SLC4A3: variants seen among roughly 807,000 people sequenced by gnomAD.
SLC4A3 encodes solute carrier family 4 member 3.
SLC4A3 carries 47 observed loss-of-function variants against 114.2 expected under a neutral mutation model. The observed-to-expected ratio is 0.41, with a 90% CI of 0.33 to 0.52. The LOEUF (loss-of-function observed/expected upper bound fraction) is 0.52, where lower values mean the gene tolerates loss of function less well. Among genes scored for constraint, SLC4A3 ranks in the 20% least tolerant of loss-of-function variants. The probability of loss-of-function intolerance (pLI) is 0.21; values close to 1 mark genes in which losing one functional copy is unlikely to be tolerated. For missense variants in SLC4A3, 1,312 were observed against 1,668.3 expected, an observed-to-expected ratio of 0.79 and a Z score of 3.72; for synonymous variants, 693 against 710.3, an observed-to-expected ratio of 0.98 and a Z score of 0.39.
chr2:219,635,158 C>A (rs184261232), intron 12 of SLC4A3, 113 bp from the exon 13 acceptor site: 2 of 779,888 alleles, frequency 2.6e-6, no homozygotes, highest in Non-Finnish European at 4.3e-6. Flanking sequence ...CCAGTATCTA[C>A]GACTGAATGT....
Position 219,639,370 on chromosome 2 carries a change from A to G in SLC4A3, c.3024-112A>G. 7.8e-7 allele frequency: 1 copy of G among 1,279,074 alleles called. No homozygotes were observed. 79.2% of individuals were successfully genotyped at this position (1,279,074 alleles called of 1,614,324 possible). A position where few individuals can be genotyped will look rare whatever the true frequency, so the allele number is the denominator to read the frequency against. ...AGAAGAAGCTGGCAGTCCTAGGGAG[A>G]ACTGTTGTCTGCACGTCCTCCCCCC... On this transcript the variant is annotated intron_variant, in intron 19 of 22. Transcript: ENST00000358055. This position sits in a 1 kb window ranked among gnomAD's most constrained non-coding sequence, Gnocchi z 5.9.
At chr2:219,627,832 G>C in intron 1 of SLC4A3, 68 bp from the exon 2 acceptor site, 3 of 579,052 alleles carry the variant, frequency 5.2e-6, no homozygotes, top group South Asian at 4.3e-5. Context: ...CTTGGGCCGG[G>C]AGCGTGCATC....
chr2:219,631,397 T>C lies in SLC4A3; in HGVS notation c.812-571T>C. The C allele has an allele frequency of 7.7e-7, 1 of 1,304,252 alleles. No individual in the cohort carries two copies. The allele number at this position is 1,304,252 out of a possible 1,614,324, so 80.8% of individuals were successfully genotyped here. ...AGATGTTTGTGCTGGACTTTGAGGA[T>C]GGTGACCTGTGGGAGTCCATCAGGG... On this transcript the variant is annotated intron_variant, in intron 6 of 22. Coordinates refer to ENST00000358055, the MANE Select transcript of SLC4A3 (RefSeq NM_005070.4). This position sits in a 1 kb window ranked among gnomAD's most constrained non-coding sequence, Gnocchi z 6.3.
rs1158133425 is a variant in SLC4A3, at chr2:219,639,624, C to T, written c.3166C>T (p.His1056Tyr). Residue 1056 changes from histidine to tyrosine, a missense_variant, in exon 20 of 23, where the codon CAT becomes TAT. This residue lies in a region of SLC4A3 where 301 missense variants were observed against 460.7 expected (regional missense o/e 0.65). Coordinates refer to ENST00000358055, the MANE Select transcript of SLC4A3 (RefSeq NM_005070.4). The surrounding 1 kb of genome is among the most constrained non-coding windows in gnomAD (Gnocchi z 5.9). ...LTAATVRSVT[H>Y]VNALTVMRTA... ...GGCTGCCACGGTCCGCTCCGTCACC[C>T]ATGTCAATGCGTTGACAGTGATGCG... 1 of 1,613,950 alleles carries T rather than the reference C, an allele frequency of 6.2e-7. No homozygotes were observed. The highest frequency in any genetic ancestry group is 1.1e-5 in the South Asian group (1 of 91,082).
Position 219,638,810 on chromosome 2 carries a change from A to G in SLC4A3, c.2964A>G (p.Ala988=), listed in dbSNP as rs1699218743. The G allele has an allele frequency of 1.2e-6, 2 of 1,614,168 alleles. No homozygotes were observed. Among genetic ancestry groups the G allele is most frequent in the African/African-American group, 1.3e-5 (1 of 75,042 alleles). ...CTTTCCCGCCGTGGATGATGGTGGCAGCCGCTGTTCCCGCCCTCCTCGTCC... is the reference window on the plus strand; with the variant it reads ...CTTTCCCGCCGTGGATGATGGTGGCGGCCGCTGTTCCCGCCCTCCTCGTCC... ...ARPFPPWMMV[A]AAVPALLVLI... is the part of the protein sequence containing the mutation. Residue 988 remains alanine, a synonymous_variant, in exon 19 of 23, where the codon GCA becomes GCG. Coordinates refer to ENST00000358055, the MANE Select transcript of SLC4A3 (RefSeq NM_005070.4). The surrounding 1 kb of genome is among the most constrained non-coding windows in gnomAD (Gnocchi z 7.5).
Position 219,636,832 on chromosome 2 carries a change from C to G in SLC4A3, c.2493C>G (p.Ile831Met). ...PFTQEIFAFLISLIFIYETFY... is the reference protein window; with the variant it reads ...PFTQEIFAFLMSLIFIYETFY... The stretch of plus-strand genomic sequence containing the variant: ...CCCAGGAGATCTTTGCCTTTCTCAT[C>G]TCACTCATTTTCATCTACGAGACCT... Residue 831 changes from isoleucine (I) to methionine (M), a missense_variant, in exon 16 of 23, where the codon ATC (isoleucine) becomes ATG (methionine). By Grantham distance (10) the Ile-to-Met change is conservative. Around this residue, in one of 4 missense-constraint regions of SLC4A3, gnomAD observed 771 missense variants for 977.7 expected, o/e 0.79. Coordinates refer to ENST00000358055, the MANE Select transcript of SLC4A3 (RefSeq NM_005070.4). The surrounding 1 kb of genome is among the most constrained non-coding windows in gnomAD (Gnocchi z 5.5). The G allele has an allele frequency of 6.2e-7, 1 of 1,614,052 alleles. No individual in the cohort carries two copies. Among genetic ancestry groups the G allele is most frequent in the Non-Finnish European group, 8.5e-7 (1 of 1,179,974 alleles).
Position 219,629,715 on chromosome 2 carries a change from C to G in SLC4A3, c.611+20C>G, listed in dbSNP as rs758995026. On this transcript the variant is annotated intron_variant, in intron 5 of 22. Coordinates refer to ENST00000358055, the MANE Select transcript of SLC4A3 (RefSeq NM_005070.4). ...CAGCAGGTACTGGCTGCAGCCTCTA[C>G]TCAGCAGGGCCCAGCCCAGAGCCAC... 58 of 1,545,032 alleles carry G rather than the reference C, an allele frequency of 3.8e-5. 1 individual carries two copies. The highest frequency in any genetic ancestry group is 3.4e-4 in the South Asian group (30 of 88,228).
At position 219,635,159 on chromosome 2, in the gene SLC4A3, G is replaced by A. The variant is rs143483777; in HGVS notation, c.1747-112G>A. 2.9e-4 allele frequency: 230 copies of A among 787,022 alleles called. 3 individuals are homozygous for A. In the East Asian group the frequency reaches 4.6e-3, roughly 16 times the overall value. The allele number at this position is 787,022 out of a possible 1,614,324, so 48.8% of individuals were successfully genotyped here. ...ACTGTTGGACTGGCCCAGTATCTAC[G>A]ACTGAATGTCCACCCTGCCTGTAGC... On this transcript the variant is annotated intron_variant, in intron 12 of 22. Transcript: ENST00000358055.
At position 219,636,566 on chromosome 2, in the gene SLC4A3, G is replaced by T; in HGVS notation, c.2341-114G>T. The T allele has an allele frequency of 6.8e-7, 1 of 1,476,208 alleles. No individual in the cohort carries two copies. Among genetic ancestry groups the T allele is most frequent in the Non-Finnish European group, 9.1e-7 (1 of 1,096,176 alleles). The allele number at this position is 1,476,208 out of a possible 1,614,324, so 91.4% of individuals were successfully genotyped here. On this transcript the variant is annotated intron_variant, in intron 15 of 22. Coordinates refer to ENST00000358055, the MANE Select transcript of SLC4A3 (RefSeq NM_005070.4). The surrounding 1 kb of genome is among the most constrained non-coding windows in gnomAD (Gnocchi z 5.5). ...GCCCCACACTCTTCCTTACCTAGGG[G>T]ATGGGTCCCTGCATTCTCCCTCTTC...
In SLC4A3 at chr2:219,639,188, C is replaced by T. The variant is rs1699231899; in HGVS notation, c.3024-294C>T. Among the ~76,000 whole-genome samples, 1 of 152,196 alleles carries T rather than the reference C, an allele frequency of 6.6e-6. No individual in the cohort carries two copies. The highest frequency in any genetic ancestry group is 2.1e-4 in the South Asian group (1 of 4,830). ...GCTCAGAACACTCTAGCAGTCTAAG[C>T]TTGCACCCAGGGATGCTCACATGTA... On this transcript the variant is annotated intron_variant, in intron 19 of 22. Coordinates refer to ENST00000358055, the MANE Select transcript of SLC4A3 (RefSeq NM_005070.4). This position sits in a 1 kb window ranked among gnomAD's most constrained non-coding sequence, Gnocchi z 5.9.
Position 219,641,870 on chromosome 2 carries a change from G to T in SLC4A3, c.*142G>T. Reference sequence around the variant, plus strand: ...CCACTCCTGATGCCATGGCTAGAGTGGCCCCCCTGACTTCTGCCCGGGGTG... The same window carrying T: ...CCACTCCTGATGCCATGGCTAGAGTTGCCCCCCTGACTTCTGCCCGGGGTG... On this transcript the variant is annotated 3_prime_UTR_variant, in exon 23 of 23. Coordinates refer to ENST00000358055, the MANE Select transcript of SLC4A3 (RefSeq NM_005070.4). The surrounding 1 kb of genome is among the most constrained non-coding windows in gnomAD (Gnocchi z 4.0). The T allele has an allele frequency of 1.5e-6, 1 of 661,066 alleles. No homozygotes were observed. Among genetic ancestry groups the T allele is most frequent in the Admixed American group, 2.8e-5 (1 of 35,484 alleles). The allele number at this position is 661,066 out of a possible 1,614,324, so 41.0% of individuals were successfully genotyped here.
In SLC4A3 at chr2:219,641,630, A is replaced by C; in HGVS notation, c.3622-21A>C. On this transcript the variant is annotated intron_variant, in intron 22 of 22. Coordinates refer to ENST00000358055, the MANE Select transcript of SLC4A3 (RefSeq NM_005070.4). The surrounding 1 kb of genome is among the most constrained non-coding windows in gnomAD (Gnocchi z 4.0). ...ACGAGCATGCTTCCCTGCCTTCCCC[A>C]ACCTTCTGTTCCCTCTGCAGCTGGA... 1 of 1,608,632 alleles carries C rather than the reference A, an allele frequency of 6.2e-7. No individual in the cohort carries two copies.
chr2:219,636,510 C>T lies in SLC4A3; in HGVS notation c.2340+60C>T. On this transcript the variant is annotated intron_variant, in intron 15 of 22. Coordinates refer to ENST00000358055, the MANE Select transcript of SLC4A3 (RefSeq NM_005070.4). The surrounding 1 kb of genome is among the most constrained non-coding windows in gnomAD (Gnocchi z 5.5). ...GCCCCACACTCTTCCTTACCTACAT[C>T]CTGCCCCACACTCTTCCTTACCTAC... 1 of 1,538,944 alleles carries T rather than the reference C, an allele frequency of 6.5e-7. No individual in the cohort carries two copies.
rs1181413975 is a variant in SLC4A3, at chr2:219,629,713, T to C, written c.611+18T>C. ...TCCAGCAGGTACTGGCTGCAGCCTC[T>C]ACTCAGCAGGGCCCAGCCCAGAGCC... is the stretch of plus-strand genomic sequence containing the variant. On this transcript the variant is annotated intron_variant, in intron 5 of 22. Transcript: ENST00000358055. The C allele has an allele frequency of 1.3e-6, 2 of 1,558,948 alleles. No individual in the cohort carries two copies. Among genetic ancestry groups the C allele is most frequent in the African/African-American group, 2.7e-5 (2 of 73,686 alleles).
chr2:219,632,407 G>T lies in SLC4A3; in HGVS notation c.1106G>T (p.Arg369Leu). The change falls in exon 8 of 23, where the codon CGT (arginine) becomes CTT (leucine). Residue 369 changes from arginine (R) to leucine (L), a missense_variant. By Grantham distance (102) the Arg-to-Leu change is moderately radical. Around this residue, in one of 4 missense-constraint regions of SLC4A3, gnomAD observed 771 missense variants for 977.7 expected, o/e 0.79. Transcript: ENST00000358055. ...CCCCATGTTGCCTCGCTCTCCTTCC[G>T]TAGCCTTCTGGAGCTCAGGAGGACC... ...GKPHVASLSF[R>L]SLLELRRTIA... The T allele has an allele frequency of 6.2e-7, 1 of 1,608,354 alleles. No homozygotes were observed. Among genetic ancestry groups the T allele is most frequent in the Non-Finnish European group, 8.5e-7 (1 of 1,177,188 alleles).
At position 219,639,583 on chromosome 2, in the gene SLC4A3, G is replaced by A; in HGVS notation, c.3125G>A (p.Gly1042Glu). 1 of 1,614,066 alleles carries A rather than the reference G, an allele frequency of 6.2e-7. No individual in the cohort carries two copies. Among genetic ancestry groups the A allele is most frequent in the Non-Finnish European group, 8.5e-7 (1 of 1,180,020 alleles). Residue 1042 changes from glycine (G) to glutamate (E), a missense_variant, in exon 20 of 23, where the codon GGG becomes GAG. Gly to Glu is a moderately conservative substitution (Grantham distance 98). This residue lies in a region of SLC4A3 where 301 missense variants were observed against 460.7 expected (regional missense o/e 0.65). Transcript: ENST00000358055. The surrounding 1 kb of genome is among the most constrained non-coding windows in gnomAD (Gnocchi z 5.9). ...CTGGGGGGGCTCTGTGGGCTGTTTG[G>A]GTTGCCCTGGCTCACGGCTGCCACG... Reference protein sequence around the residue: ...GSLGGLCGLFGLPWLTAATVR... With the variant: ...GSLGGLCGLFELPWLTAATVR...
In SLC4A3 at chr2:219,635,746, T is replaced by TG. The variant is rs779782563; in HGVS notation, c.2052dup (p.Leu685AlafsTer15). On this transcript the variant is annotated frameshift_variant, in exon 14 of 23. Coordinates refer to ENST00000358055, the MANE Select transcript of SLC4A3 (RefSeq NM_005070.4). LOFTEE classifies it high-confidence loss of function. ...CCTTGCTGCGGACGGGCTCGGTATT[T>TG]GGGGGGCTTGTGCGGGATGTGAGGC... The TG allele has an allele frequency of 6.3e-7, 1 of 1,595,910 alleles. No homozygotes were observed. The highest frequency in any genetic ancestry group is 8.5e-7 in the Non-Finnish European group (1 of 1,173,862).
At position 219,629,204 on chromosome 2, in the gene SLC4A3, A is replaced by G; in HGVS notation, c.278A>G (p.His93Arg). The G allele has an allele frequency of 6.2e-7, 1 of 1,612,604 alleles. No individual in the cohort carries two copies. The highest frequency in any genetic ancestry group is 8.5e-7 in the Non-Finnish European group (1 of 1,179,494). ...HPLSARLPPPHKLRRLPPTSA... is the reference protein window; with the variant it reads ...HPLSARLPPPRKLRRLPPTSA... ...CTCTCAGCGCGCCTGCCTCCACCCC[A>G]CAAGCTGCGGCGGCTGCCCCCCACC... Residue 93 changes from histidine (H) to arginine (R), a missense_variant, in exon 4 of 23, where the codon CAC becomes CGC. Physicochemically the swap from His to Arg is conservative, Grantham distance 29. This residue lies in a region of SLC4A3 where 236 missense variants were observed against 212.1 expected (regional missense o/e 1.11). Coordinates refer to ENST00000358055, the MANE Select transcript of SLC4A3 (RefSeq NM_005070.4).
rs758349718 is a variant in SLC4A3, at chr2:219,639,662, G to A, written c.3204G>A (p.Ala1068=). ...NALTVMRTAI[A]PGDKPQIQEV... is the part of the protein sequence containing the mutation. ...TGACAGTGATGCGTACTGCCATCGC[G>A]CCTGGTGACAAGCCCCAGATCCAGG... Residue 1068 remains alanine, a synonymous_variant, in exon 20 of 23, where the codon GCG becomes GCA. Transcript: ENST00000358055. The surrounding 1 kb of genome is among the most constrained non-coding windows in gnomAD (Gnocchi z 5.9). 1.4e-5 allele frequency: 22 copies of A among 1,612,878 alleles called. No individual in the cohort carries two copies. The highest frequency in any genetic ancestry group is 2.7e-5 in the African/African-American group (2 of 74,900).
Sources: allele counts gnomAD v4.1 joint callset (sites outside exome capture counted in the v4.1 genomes callset), GRCh38; gene constraint gnomAD v4.1.1; regional missense constraint gnomAD v4.1.1; non-coding constraint Gnocchi (gnomAD v3.1); transcripts MANE v1.5; gene names NCBI Gene and HGNC (gene_info 2026-07-23, HGNC 2026-07-21).